NBEAL1: variants seen among roughly 807,000 people sequenced by gnomAD.
NBEAL1 encodes the protein neurobeachin-like protein 1.
Under a neutral mutation model 351.3 loss-of-function variants are expected in NBEAL1, and 273 were observed. The observed-to-expected ratio is 0.78, with a 90% CI of 0.70 to 0.86. NBEAL1 has a LOEUF of 0.86. Among genes scored for constraint, NBEAL1 ranks in the 40% least tolerant of loss-of-function variants. The pLI is 0.00. For missense variants in NBEAL1, 2,961 were observed against 3,201.3 expected (o/e 0.92, Z 1.81); for synonymous variants, 1,050 against 1,086.4 (o/e 0.97, Z 0.66).
At chr2:203,210,828 T>C (rs1246353965) in intron 53 of NBEAL1, 130 bp from the exon 54 acceptor site, 1 of 496,770 alleles carries the variant, frequency 2.0e-6, no homozygotes, top group Non-Finnish European at 3.5e-6. Flanking sequence ...ACTTGGTCTT[T>C]AAATATAGCC....
chr2:203,056,394 T>C, intron 4 of NBEAL1, 33 bp from the exon 5 acceptor site: 1 of 1,188,946 alleles, frequency 8.4e-7, no homozygotes, highest in Non-Finnish European at 1.2e-6. Context: ...TCACCATTCT[T>C]ATGTAAAAAA....
chr2:203,120,309 C>T (rs1388498422), intron 18 of NBEAL1, among the ~76,000 whole-genome samples: 1 of 152,150 alleles, frequency 6.6e-6, no homozygotes, highest in Non-Finnish European at 1.5e-5. Flanking sequence ...TGCTTAGACT[C>T]ATAATTCCAT....
Position 203,041,868 on chromosome 2 carries a change from C to A in NBEAL1, c.143+12C>A. On this transcript the variant is annotated intron_variant, in intron 3 of 55. Transcript: ENST00000683969. ...AAGCTGCCTACCAGGTATGTAGAAA[C>A]GCTAATTTGTAACCCCTGGATGAGT... 6.5e-7 allele frequency: 1 copy of A among 1,531,326 alleles called. No individual in the cohort carries two copies. The highest frequency in any genetic ancestry group is 8.9e-7 in the Non-Finnish European group (1 of 1,128,764). The allele number at this position is 1,531,326 out of a possible 1,614,324, so 94.9% of individuals were successfully genotyped here.
chr2:203,217,478 C>T lies in NBEAL1; in HGVS notation c.*124C>T. On this transcript the variant is annotated 3_prime_UTR_variant, in exon 56 of 56. Coordinates refer to ENST00000683969, the MANE Select transcript of NBEAL1 (RefSeq NM_001378026.1). ...ATCCCTGAAAATCATTTACAGATAA[C>T]CACAATTTGCTGTGGTATATAAACT... 3.0e-6 allele frequency: 4 copies of T among 1,323,554 alleles called. No homozygotes were observed. Among genetic ancestry groups the T allele is most frequent in the Non-Finnish European group, 3.9e-6 (4 of 1,033,810 alleles). 82.0% of individuals were successfully genotyped at this position (1,323,554 alleles called of 1,614,324 possible).
Position 203,136,080 on chromosome 2 carries a change from G to A in NBEAL1, c.4217G>A (p.Gly1406Glu), listed in dbSNP as rs1179082070. ...NPSHLSLDLS[G>E]IDSCEMSDSG... is the part of the protein sequence containing the mutation. ...TCACATTTGAGTTTAGACCTCAGTGGAATTGACTCATGTGAAATGAGTGAT... is the reference window on the plus strand; with the variant it reads ...TCACATTTGAGTTTAGACCTCAGTGAAATTGACTCATGTGAAATGAGTGAT... Residue 1406 changes from glycine to glutamate, a missense_variant, in exon 28 of 56, where the codon GGA becomes GAA. Transcript: ENST00000683969. The A allele has an allele frequency of 1.9e-6, 3 of 1,613,918 alleles. No homozygotes were observed. The highest frequency in any genetic ancestry group is 2.2e-5 in the South Asian group (2 of 91,054).
rs1199237948 is a variant in NBEAL1 at position 203,116,804 on chromosome 2, A to AT, written c.2592+734_2592+735insT. On this transcript the variant is annotated intron_variant, in intron 18 of 55. Transcript: ENST00000683969. ...GACCCTGTCTCAAAAAAAAAAAAAA[A>AT]AAAGGGGGGGGCCCAGCACAGTGGC... Among the ~76,000 whole-genome samples the AT allele has an allele frequency of 2.6e-5, 4 of 151,118 alleles. No individual in the cohort carries two copies. In the East Asian group the frequency reaches 7.8e-4, roughly 30 times the overall value.
chr2:203,127,646 C>CTTCTGGG, intron 23 of NBEAL1, 135 bp from the exon 24 acceptor site: 3 of 453,438 alleles, frequency 6.6e-6, no homozygotes, highest in Non-Finnish European at 1.2e-5. Context: ...CGCTTGAACC[C>CTTCTGGG]AGAAGGCAGA....
At position 203,107,793 on chromosome 2, in the gene NBEAL1, G is replaced by A; in HGVS notation, c.1554G>A (p.Met518Ile). Residue 518 changes from methionine to isoleucine, a missense_variant, in exon 14 of 56, where the codon ATG becomes ATA. Coordinates refer to ENST00000683969, the MANE Select transcript of NBEAL1 (RefSeq NM_001378026.1). ...GAACTACTTGTGTCAATGCAAACAT[G>A]GGGATTAGAATCATTGAAACCCTTG... The part of the protein sequence containing the change: ...QSRTTCVNAN[M>I]GIRIIETLDL... The A allele has an allele frequency of 6.4e-7, 1 of 1,554,480 alleles. No individual in the cohort carries two copies. Among genetic ancestry groups the A allele is most frequent in the South Asian group, 1.2e-5 (1 of 84,308 alleles).
intron 44 of NBEAL1, among the ~76,000 whole-genome samples, chr2:203,184,604 G>T (rs1318222741): frequency 6.6e-6 from 1 of 151,936 alleles, no homozygotes; most frequent in Non-Finnish European, 1.5e-5. Flanking sequence ...AAACTGAAAT[G>T]TTGGAGGACT....
chr2:203,077,533 T>G (rs2061797995), intron 7 of NBEAL1, among the ~76,000 whole-genome samples: 1 of 152,170 alleles, frequency 6.6e-6, no homozygotes, highest in Admixed American at 6.6e-5. Context: ...TATGGAGAAT[T>G]ATGAGAACTA....
chr2:203,145,252 CA>C (rs1482717120), intron 33 of NBEAL1, 92 bp downstream of exon 33: 1 of 1,070,146 alleles, frequency 9.3e-7, no homozygotes, highest in Non-Finnish European at 1.3e-6. Context: ...AACTTTAAAA[CA>C]AGCAGTATTT....
intron 7 of NBEAL1, among the ~76,000 whole-genome samples, chr2:203,068,888 C>T (rs2061636304): frequency 6.6e-6 from 1 of 152,144 alleles, no homozygotes; most frequent in South Asian, 2.1e-4. Flanking sequence ...TGCCACCACA[C>T]CCGGCTCATT....
intron 18 of NBEAL1, among the ~76,000 whole-genome samples, chr2:203,117,687 C>T (rs763658513): frequency 5.9e-5 from 9 of 152,080 alleles, no homozygotes; most frequent in Non-Finnish European, 1.2e-4. Flanking sequence ...CACCACCCCA[C>T]ACCGTTTTTT....
intron 34 of NBEAL1, among the ~76,000 whole-genome samples, chr2:203,150,916 G>C (rs1409760601): frequency 6.6e-6 from 1 of 152,112 alleles, no homozygotes; most frequent in Non-Finnish European, 1.5e-5. Flanking sequence ...ATGTCATCTT[G>C]GGCAAATAAT....
At chr2:203,194,954 T>C (rs375684102) in intron 47 of NBEAL1, among the ~76,000 whole-genome samples, 1 of 152,092 alleles carries the variant, frequency 6.6e-6, no homozygotes, top group African/African-American at 2.4e-5. Context: ...TCCCAGCACT[T>C]TGGGAGGCCG....
chr2:203,201,277 T>G (rs1257167403), intron 49 of NBEAL1, among the ~76,000 whole-genome samples: 5 of 152,226 alleles, frequency 3.3e-5, no homozygotes, highest in African/African-American at 1.2e-4. Flanking sequence ...GTCTTTGAAA[T>G]CCAAGATTTA....
At chr2:203,190,810 A>G (rs2065051549) in intron 46 of NBEAL1, 1 of 1,611,056 alleles carries the variant, frequency 6.2e-7, no homozygotes, top group East Asian at 2.2e-5. Flanking sequence ...CAACGAGATC[A>G]AAGTCGTATA....
chr2:203,042,807 C>T (rs1261739200), intron 3 of NBEAL1, among the ~76,000 whole-genome samples: 1 of 152,030 alleles, frequency 6.6e-6, no homozygotes, highest in Non-Finnish European at 1.5e-5. Context: ...AGTATGATCT[C>T]GATCTCTTGA....
intron 35 of NBEAL1, among the ~76,000 whole-genome samples, chr2:203,152,236 G>C (rs1049440362): frequency 6.6e-6 from 1 of 151,558 alleles, no homozygotes; most frequent in Admixed American, 6.6e-5. Flanking sequence ...GGGATTACAG[G>C]TGTGAGCCAC....
Sources: allele counts gnomAD v4.1 joint callset (sites outside exome capture counted in the v4.1 genomes callset), GRCh38; gene constraint gnomAD v4.1.1; transcripts MANE v1.5; gene names NCBI Gene and HGNC (gene_info 2026-07-23, HGNC 2026-07-21).